Variants in IL1R2 observed in about 807,000 individuals in gnomAD.
IL1R2 encodes the protein interleukin-1 receptor type 2.
In IL1R2, 46 loss-of-function variants were observed where a neutral mutation model predicts 39.5. The observed-to-expected ratio is 1.16, with a 90% CI of 0.92 to 1.49. The LOEUF is 1.49. IL1R2 is among the 40% of genes most tolerant of loss of function. IL1R2 has a pLI of 0.00. For synonymous variants in IL1R2, 207 were observed against 189.6 expected, an observed-to-expected ratio of 1.09 and a Z score of -0.75; for missense variants, 537 against 502.0, an observed-to-expected ratio of 1.07 and a Z score of -0.67.
chr2:102,003,883 T>TTGTGTC (rs1170446056), intron 1 of IL1R2, among the ~76,000 whole-genome samples: 2 of 149,654 alleles, frequency 1.3e-5, no homozygotes, highest in Non-Finnish European at 3.0e-5. Flanking sequence ...GTGGTTGTGT[T>TTGTGTC]TGTGTCTGTG....
intron 1 of IL1R2, among the ~76,000 whole-genome samples, chr2:102,006,210 G>A (rs978571329): frequency 1.3e-5 from 2 of 152,208 alleles, no homozygotes; most frequent in Admixed American, 1.3e-4. Context: ...AGTTGGGGAT[G>A]TGATAAGCTA....
chr2:102,013,268 C>A (rs147953829), intron 3 of IL1R2, among the ~76,000 whole-genome samples: 15 of 152,034 alleles, frequency 9.9e-5, no homozygotes, highest in Admixed American at 9.8e-4. Flanking sequence ...CTTTAATACT[C>A]TTTGTCAACT....
At chr2:102,025,955 C>T (rs1047427132) in intron 7 of IL1R2, among the ~76,000 whole-genome samples, 156 bp from the exon 8 acceptor site, 1 of 152,162 alleles carries the variant, frequency 6.6e-6, no homozygotes, top group Non-Finnish European at 1.5e-5. Flanking sequence ...CCAAATGAAT[C>T]ACAAGTATGG....
chr2:102,008,321 C>T (rs1443186962), intron 1 of IL1R2, among the ~76,000 whole-genome samples, 194 bp from the exon 2 acceptor site: 4 of 152,172 alleles, frequency 2.6e-5, no homozygotes, highest in Non-Finnish European at 4.4e-5. Flanking sequence ...TACAAGGATT[C>T]GACTTTAGAT....
intron 7 of IL1R2, among the ~76,000 whole-genome samples, chr2:102,025,620 G>A (rs924714038): frequency 2.0e-5 from 3 of 152,198 alleles, no homozygotes; most frequent in African/African-American, 7.2e-5. Context: ...AGCTATCCTG[G>A]CCACAGCCAT....
chr2:102,026,092 G>T lies in IL1R2; in HGVS notation c.888-19G>T. ...GCATTCGATACAATCATAATTAAGT[G>T]AATGTTTTTTTAACTCAGGGAATAT... On this transcript the variant is annotated intron_variant, in intron 7 of 8. Coordinates refer to ENST00000332549, the MANE Select transcript of IL1R2 (RefSeq NM_004633.4). The T allele has an allele frequency of 1.3e-6, 2 of 1,570,320 alleles. No homozygotes were observed. Among genetic ancestry groups the T allele is most frequent in the South Asian group, 2.3e-5 (2 of 87,878 alleles).
chr2:101,993,022 G>A (rs1675423559), intron 1 of IL1R2, among the ~76,000 whole-genome samples: 1 of 152,104 alleles, frequency 6.6e-6, no homozygotes, highest in African/African-American at 2.4e-5. Context: ...AAGTAAAATC[G>A]CAGTGGAATC....
At chr2:102,013,587 GAAAA>G (rs57976300) in intron 3 of IL1R2, among the ~76,000 whole-genome samples, 3 of 60,968 alleles carry the variant, frequency 4.9e-5, no homozygotes, top group African/African-American at 1.5e-4. Flanking sequence ...AAAAGAAAAA[GAAAA>G]AAAAAAAAAA....
At chr2:102,018,249 C>T (rs1207198799) in intron 4 of IL1R2, among the ~76,000 whole-genome samples, 1 of 152,162 alleles carries the variant, frequency 6.6e-6, no homozygotes, top group East Asian at 1.9e-4. Flanking sequence ...AATGCATTCT[C>T]TTTTGGTTTG....
chr2:102,004,358 C>T (rs1031624387), intron 1 of IL1R2, among the ~76,000 whole-genome samples: 2 of 151,934 alleles, frequency 1.3e-5, no homozygotes, highest in African/African-American at 4.8e-5. Flanking sequence ...TGCATCAGCT[C>T]TTTCTACCTT....
intron 4 of IL1R2, among the ~76,000 whole-genome samples, chr2:102,018,147 G>C (rs771515649): frequency 1.3e-5 from 2 of 152,130 alleles, no homozygotes; most frequent in South Asian, 4.1e-4. Flanking sequence ...TGTTGGCCAG[G>C]CTGGCCTCGA....
intron 1 of IL1R2, among the ~76,000 whole-genome samples, chr2:102,002,548 T>C (rs115688347): frequency 6.6e-6 from 1 of 151,266 alleles, no homozygotes. Context: ...TCTGTGTCTA[T>C]GTCTATGTGT....
Position 102,009,765 on chromosome 2 carries a change from G to T in IL1R2, c.271G>T (p.Gly91Cys). The change falls in exon 3 of 9, where the codon GGT becomes TGT. Residue 91 changes from glycine to cysteine, a missense_variant. By Grantham distance (159) the Gly-to-Cys change is radical. Coordinates refer to ENST00000332549, the MANE Select transcript of IL1R2 (RefSeq NM_004633.4). ...AGAGACACGGATGTGGGCCCAGGAC[G>T]GTGCTCTGTGGCTTCTGCCAGCCTT... ...EEETRMWAQDGALWLLPALQE... is the reference protein window; with the variant it reads ...EEETRMWAQDCALWLLPALQE... 1 of 1,614,186 alleles carries T rather than the reference G, an allele frequency of 6.2e-7. No individual in the cohort carries two copies.
At chr2:101,992,174 A>AAGAGAGAGAGATGGAGAGACAGGC (rs1675360997) in intron 1 of IL1R2, 163 bp downstream of exon 1, 1 of 151,970 alleles carries the variant, frequency 6.6e-6, no homozygotes, top group Non-Finnish European at 1.5e-5. Flanking sequence ...AGGCAGAGAG[A>AAGAGAGAGAGATGGAGAGACAGGC]AGAGAGAGAG....
chr2:102,004,080 G>C (rs1474100574), intron 1 of IL1R2, among the ~76,000 whole-genome samples: 2 of 151,324 alleles, frequency 1.3e-5, no homozygotes, highest in African/African-American at 2.4e-5. Context: ...GAGAAGAAGA[G>C]GGAGAGTGAG....
At chr2:102,025,745 T>C (rs1677704884) in intron 7 of IL1R2, among the ~76,000 whole-genome samples, 1 of 152,196 alleles carries the variant, frequency 6.6e-6, no homozygotes, top group South Asian at 2.1e-4. Context: ...ATACAAGTGA[T>C]TTAATGGTGA....
In IL1R2 at chr2:102,008,562, A is replaced by G. The variant is rs372061306; in HGVS notation, c.-14A>G. 5 of 1,612,962 alleles carry G rather than the reference A, an allele frequency of 3.1e-6. No homozygotes were observed. The highest frequency in any genetic ancestry group is 4.2e-6 in the Non-Finnish European group (5 of 1,179,138). ...TCCTCCACTTCCCGTGTCCTCTGGA[A>G]GTTGTCAGGAGCAATGTTGCGCTTG... On this transcript the variant is annotated 5_prime_UTR_variant, in exon 2 of 9. Coordinates refer to ENST00000332549, the MANE Select transcript of IL1R2 (RefSeq NM_004633.4).
chr2:102,027,639 G>A (rs1357362049), intron 8 of IL1R2, among the ~76,000 whole-genome samples: 1 of 152,158 alleles, frequency 6.6e-6, no homozygotes, highest in Non-Finnish European at 1.5e-5. Flanking sequence ...GCTTAAAAAT[G>A]CAGGATTCTA....
At chr2:101,995,129 CTTGAAG>C (rs1438551772) in intron 1 of IL1R2, among the ~76,000 whole-genome samples, 2 of 152,114 alleles carry the variant, frequency 1.3e-5, no homozygotes, top group Non-Finnish European at 2.9e-5. Flanking sequence ...AATCAGTTGA[CTTGAAG>C]TTAATAAAAA....
Sources: allele counts gnomAD v4.1 joint callset (sites outside exome capture counted in the v4.1 genomes callset), GRCh38; gene constraint gnomAD v4.1.1; transcripts MANE v1.5; gene names NCBI Gene and HGNC (gene_info 2026-07-23, HGNC 2026-07-21).